Variants in TMEM219 observed in about 807,000 individuals in gnomAD.
TMEM219 encodes the protein insulin-like growth factor-binding protein 3 receptor.
TMEM219 carries 18 observed loss-of-function variants against 17.9 expected under a neutral mutation model. The ratio of observed to expected loss-of-function variants is 1.01; its 90% CI spans 0.70 to 1.49. The LOEUF is 1.49. Ranked by LOEUF, TMEM219 falls within the 40% of genes most tolerant of loss-of-function variation. The probability of loss-of-function intolerance (pLI) is 0.00; values close to 1 mark genes in which losing one functional copy is unlikely to be tolerated. For synonymous variants in TMEM219, 113 were observed against 124.0 expected (o/e 0.91, Z 0.59); for missense variants, 288 against 292.4 (o/e 0.99, Z 0.11).
chr16:29,970,470 G>A (rs1203678834), intron 4 of TMEM219, among the ~76,000 whole-genome samples: 2 of 150,806 alleles, frequency 1.3e-5, no homozygotes, highest in Non-Finnish European at 3.0e-5. Context: ...GACTACAGGC[G>A]CCCGCCACCA....
At chr16:29,969,105 C>G (rs910157033) in intron 4 of TMEM219, among the ~76,000 whole-genome samples, 3 of 151,818 alleles carry the variant, frequency 2.0e-5, no homozygotes, top group Non-Finnish European at 4.4e-5. Flanking sequence ...AATCCCAGCA[C>G]TTTGGAAGGC....
intron 3 of TMEM219, among the ~76,000 whole-genome samples, chr16:29,966,694 T>C (rs764975535): frequency 5.9e-5 from 9 of 152,092 alleles, no homozygotes; most frequent in Non-Finnish European, 1.0e-4. Context: ...TGGGCACCTG[T>C]AATCCCAGCT....
At chr16:29,971,281 G>T in intron 4 of TMEM219, 127 bp from the exon 5 acceptor site, 399 of 799,438 alleles carry the variant, frequency 5.0e-4, no homozygotes, top group Middle Eastern at 7.8e-4. Context: ...CAGCTTATAT[G>T]AAAATAACAT....
At chr16:29,962,185 G>A (rs1042917956) in intron 1 of TMEM219, 53 bp downstream of exon 1, 9 of 152,322 alleles carry the variant, frequency 5.9e-5, no homozygotes, top group African/African-American at 2.2e-4. Flanking sequence ...GGGGACGAGG[G>A]CGTTGCAATC....
At chr16:29,966,511 A>G (rs915186303) in intron 3 of TMEM219, among the ~76,000 whole-genome samples, 6 of 152,066 alleles carry the variant, frequency 3.9e-5, no homozygotes, top group African/African-American at 1.4e-4. Flanking sequence ...GCCCTTCCTC[A>G]TTTTAAAATT....
chr16:29,965,280 T>G (rs1432842718), intron 3 of TMEM219, among the ~76,000 whole-genome samples: 2 of 152,222 alleles, frequency 1.3e-5, no homozygotes, highest in Admixed American at 1.3e-4. Context: ...CATGTCCAGA[T>G]GTACATGTAT....
At chr16:29,965,594 G>A (rs1003909179) in intron 3 of TMEM219, among the ~76,000 whole-genome samples, 7 of 151,360 alleles carry the variant, frequency 4.6e-5, no homozygotes, top group African/African-American at 1.5e-4. Flanking sequence ...AGCCAGGCGT[G>A]GTGGTGCACA....
chr16:29,972,780 T>A (rs990767789), intron 5 of TMEM219, among the ~76,000 whole-genome samples, 170 bp from the exon 6 acceptor site: 17 of 152,236 alleles, frequency 1.1e-4, no homozygotes, highest in Admixed American at 1.0e-3. Flanking sequence ...GAGGGCTTCC[T>A]GGCCCCTGAC....
intron 3 of TMEM219, among the ~76,000 whole-genome samples, chr16:29,965,454 C>T (rs1313622824): frequency 6.6e-6 from 1 of 151,440 alleles, no homozygotes; most frequent in Non-Finnish European, 1.5e-5. Flanking sequence ...TGTGGTGGCT[C>T]ATGCCTGTAA....
intron 1 of TMEM219, 123 bp from the exon 2 acceptor site, chr16:29,962,984 G>C: frequency 2.5e-6 from 2 of 799,310 alleles, no homozygotes; most frequent in Non-Finnish European, 4.0e-6. Context: ...GGGAACCTTG[G>C]ATTCTTGTTC....
chr16:29,971,752 G>A (rs78633254), intron 5 of TMEM219, 174 bp downstream of exon 5: 7,455 of 495,520 alleles, frequency 0.015, 467 homozygotes, highest in African/African-American at 0.13. Flanking sequence ...GACACCGTCA[G>A]CATTCAATAT....
intron 3 of TMEM219, 141 bp from the exon 4 acceptor site, chr16:29,967,884 G>A (rs1458083591): frequency 4.4e-5 from 28 of 631,066 alleles, no homozygotes; most frequent in Middle Eastern, 3.3e-4. Flanking sequence ...CCGAGATTGC[G>A]CCACTGCACT....
Position 29,963,552 on chromosome 16 carries a change from C to G in TMEM219, c.318C>G (p.Phe106Leu), listed in dbSNP as rs759993704. 1.1e-5 allele frequency: 18 copies of G among 1,613,940 alleles called. No homozygotes were observed. Among genetic ancestry groups the G allele is most frequent in the Non-Finnish European group, 1.5e-5 (18 of 1,180,030 alleles). Residue 106 changes from phenylalanine (F) to leucine (L), a missense_variant, in exon 3 of 6, where the codon TTC (phenylalanine) becomes TTG (leucine). By Grantham distance (22) the Phe-to-Leu change is conservative. Coordinates refer to ENST00000279396, the MANE Select transcript of TMEM219 (RefSeq NM_001083613.2). ...DGPDRNKTRT[F>L]QATVLGSQMG... Reference sequence around the variant, plus strand: ...CAGACAGGAACAAGACCCGGACATTCCAGGCCACAGTCCTGGGAAGTCAGA... The same window carrying G: ...CAGACAGGAACAAGACCCGGACATTGCAGGCCACAGTCCTGGGAAGTCAGA...
In TMEM219 at chr16:29,963,186, G is replaced by T. The variant is rs1250363456; in HGVS notation, c.43G>T (p.Ala15Ser). 1.9e-6 allele frequency: 3 copies of T among 1,613,458 alleles called. No homozygotes were observed. The highest frequency in any genetic ancestry group is 1.7e-6 in the Non-Finnish European group (2 of 1,180,040). ...QAGHNLHLCL[A>S]HHPPLVCATL... ...AGGGCACAACCTGCACCTGTGTCTG[G>T]CCCACCACCCACCTCTGGTCTGTGC... Residue 15 changes from alanine to serine, a missense_variant, in exon 2 of 6, where the codon GCC (alanine) becomes TCC (serine). Ala to Ser is a moderately conservative substitution (Grantham distance 99). Coordinates refer to ENST00000279396, the MANE Select transcript of TMEM219 (RefSeq NM_001083613.2).
chr16:29,972,187 C>G (rs920721359), intron 5 of TMEM219: 4 of 152,126 alleles, frequency 2.6e-5, no homozygotes, highest in African/African-American at 7.2e-5. Context: ...GAATATGAAC[C>G]ATGTTTGTCT....
At chr16:29,970,185 GATCA>G (rs2150866440) in intron 4 of TMEM219, among the ~76,000 whole-genome samples, 1 of 151,930 alleles carries the variant, frequency 6.6e-6, no homozygotes, top group African/African-American at 2.4e-5. Context: ...AGTGAGCTGA[GATCA>G]TGCCACTGCA....
intron 4 of TMEM219, among the ~76,000 whole-genome samples, chr16:29,971,091 A>G (rs2069279791): frequency 6.6e-6 from 1 of 151,642 alleles, no homozygotes; most frequent in African/African-American, 2.4e-5. Flanking sequence ...CTAAAAATAC[A>G]AAAAATGAGC....
At position 29,964,664 on chromosome 16, in the gene TMEM219, G is replaced by GC. The variant is rs1229502437; in HGVS notation, c.355+1083dup. ...CAACAGAGACTCTGTCCCGCCCCGC[G>GC]CCCCCCCCACCACCCTGCGCCAAAA... is the stretch of plus-strand genomic sequence containing the variant. On this transcript the variant is annotated intron_variant, in intron 3 of 5. Transcript: ENST00000279396. Among the ~76,000 whole-genome samples, 124 of 143,464 alleles carry GC rather than the reference G, an allele frequency of 8.6e-4. 1 individual carries two copies. Among genetic ancestry groups the GC allele is most frequent in the African/African-American group, 2.5e-3 (98 of 38,834 alleles). The allele number at this position is 143,464 out of a possible 152,430, so 94.1% of individuals were successfully genotyped here.
rs187523078 is a variant in TMEM219, at chr16:29,963,699, A to G, written c.355+110A>G. 100 of 965,918 alleles carry G rather than the reference A, an allele frequency of 1.0e-4. No individual in the cohort carries two copies. The East Asian group carries it at 2.6e-3, about 25-fold the overall frequency. The allele number at this position is 965,918 out of a possible 1,614,324, so 59.8% of individuals were successfully genotyped here. ...GGAGTTCAAGACCAGCCTGGCCAAC[A>G]TGATGAAACACCATCTCTACTAAAA... On this transcript the variant is annotated intron_variant, in intron 3 of 5. Coordinates refer to ENST00000279396, the MANE Select transcript of TMEM219 (RefSeq NM_001083613.2).
Sources: allele counts gnomAD v4.1 joint callset (sites outside exome capture counted in the v4.1 genomes callset), GRCh38; gene constraint gnomAD v4.1.1; transcripts MANE v1.5; gene names NCBI Gene and HGNC (gene_info 2026-07-23, HGNC 2026-07-21).